MRPL14: variants seen among roughly 807,000 people sequenced by gnomAD.
MRPL14 encodes large ribosomal subunit protein uL14m.
A neutral mutation model predicts 10.9 loss-of-function variants in MRPL14; 8 were observed. The observed-to-expected ratio is 0.74, with a 90% CI of 0.43 to 1.33. The LOEUF is 1.33. MRPL14 is among the 40% of genes most tolerant of loss of function. The pLI, the probability that MRPL14 is intolerant of heterozygous loss-of-function variation, is 0.01. For missense variants in MRPL14, 179 were observed against 194.5 expected, an observed-to-expected ratio of 0.92 and a Z score of 0.47; for synonymous variants, 82 against 74.1, an observed-to-expected ratio of 1.11 and a Z score of -0.54.
intron 1 of MRPL14, among the ~76,000 whole-genome samples, chr6:44,117,521 C>A (rs1360431176): frequency 6.6e-6 from 1 of 152,108 alleles, no homozygotes; most frequent in East Asian, 1.9e-4. Context: ...AGAGGTCTGC[C>A]GAGAAAAGCC....
chr6:44,124,289 G>A (rs190055793), intron 1 of MRPL14, among the ~76,000 whole-genome samples: 17 of 152,236 alleles, frequency 1.1e-4, no homozygotes, highest in Non-Finnish European at 2.2e-4. Context: ...CAAGTCTGTG[G>A]CCCTGGAATC....
intron 1 of MRPL14, among the ~76,000 whole-genome samples, chr6:44,125,968 G>A (rs926644642): frequency 6.6e-6 from 1 of 152,148 alleles, no homozygotes; most frequent in Non-Finnish European, 1.5e-5. Context: ...TAAAATCCTT[G>A]TTTTTCAGTA....
At chr6:44,117,822 G>A (rs944046739) in intron 1 of MRPL14, among the ~76,000 whole-genome samples, 9 of 148,064 alleles carry the variant, frequency 6.1e-5, no homozygotes, top group Non-Finnish European at 1.0e-4. Flanking sequence ...GCACCAGGAC[G>A]CCTGGCTAAT....
chr6:44,126,467 C>A (rs561086201), intron 1 of MRPL14, among the ~76,000 whole-genome samples: 31 of 152,342 alleles, frequency 2.0e-4, no homozygotes, highest in Middle Eastern at 3.4e-3. Context: ...AAGATCCAAA[C>A]CCCCCAGGTG....
Position 44,114,220 on chromosome 6 carries a change from G to GAA in MRPL14, c.72-13_72-12dup. 1.4e-6 allele frequency: 2 copies of GAA among 1,472,410 alleles called. No homozygotes were observed. The highest frequency in any genetic ancestry group is 2.0e-5 in the Admixed American group (1 of 49,658). 91.2% of individuals were successfully genotyped at this position (1,472,410 alleles called of 1,614,324 possible). On this transcript the variant is annotated splice_polypyrimidine_tract_variant and intron_variant, in intron 2 of 2. Transcript: ENST00000372014. ...AGACTCCCAGTGGTGCTGGTGGGAG[G>GAA]AAAAAAAAAAGTCTGCAGTCTGTAT...
Position 44,114,175 on chromosome 6 carries a change from T to C in MRPL14, c.106A>G (p.Thr36Ala). ...TGSLSAIQKM[T>A]RVRVVDNSAL... The stretch of plus-strand genomic sequence containing the variant: ...CTGTTGTCCACCACTCGTACCCGCG[T>C]CATCTTCTGAATCGCACTCAGACTC... Residue 36 changes from threonine to alanine, a missense_variant, in exon 3 of 3, where the codon ACG (threonine) becomes GCG (alanine). Transcript: ENST00000372014. The C allele has an allele frequency of 6.2e-7, 1 of 1,612,866 alleles. No homozygotes were observed. The highest frequency in any genetic ancestry group is 8.5e-7 in the Non-Finnish European group (1 of 1,179,082).
intron 1 of MRPL14, among the ~76,000 whole-genome samples, chr6:44,121,857 T>C (rs971639228): frequency 1.3e-5 from 2 of 151,230 alleles, no homozygotes; most frequent in African/African-American, 4.9e-5. Flanking sequence ...GAGAATCTCT[T>C]AAACCTGGGA....
intron 1 of MRPL14, among the ~76,000 whole-genome samples, chr6:44,125,163 T>C (rs1239995021): frequency 6.6e-6 from 1 of 152,180 alleles, no homozygotes; most frequent in Non-Finnish European, 1.5e-5. Context: ...TTTTGGCCAC[T>C]GTTCTTCAAG....
chr6:44,127,313 A>C (rs1395726006), intron 1 of MRPL14, 31 bp downstream of exon 1: 3 of 151,728 alleles, frequency 2.0e-5, no homozygotes, highest in African/African-American at 4.8e-5. Context: ...GGGAATGAGG[A>C]CTTAACGCCC....
rs1012093419 is a variant in MRPL14 at position 44,114,006 on chromosome 6, G to C, written c.275C>G (p.Pro92Arg). 2 of 1,614,198 alleles carry C rather than the reference G, an allele frequency of 1.2e-6. No homozygotes were observed. Among genetic ancestry groups the C allele is most frequent in the Non-Finnish European group, 1.7e-6 (2 of 1,180,022 alleles). The change falls in exon 3 of 3, where the codon CCT becomes CGT. Residue 92 changes from proline to arginine, a missense_variant. By Grantham distance (103) the Pro-to-Arg change is moderately radical. Transcript: ENST00000372014. ...KKALIVGHCMPGPRMTPRFDS... is the reference protein window; with the variant it reads ...KKALIVGHCMRGPRMTPRFDS... Reference sequence around the variant, plus strand: ...GAATCTGGGGGTCATTCGGGGGCCAGGCATGCAGTGCCCCACAATGAGCGC... The same window carrying C: ...GAATCTGGGGGTCATTCGGGGGCCACGCATGCAGTGCCCCACAATGAGCGC...
At chr6:44,116,804 T>C (rs1257099489) in intron 1 of MRPL14, among the ~76,000 whole-genome samples, 175 bp from the exon 2 acceptor site, 1 of 152,208 alleles carries the variant, frequency 6.6e-6, no homozygotes, top group Non-Finnish European at 1.5e-5. Flanking sequence ...GTAGCTCCGA[T>C]TTTGCTGATT....
At chr6:44,115,491 T>C (rs919204782) in intron 2 of MRPL14, among the ~76,000 whole-genome samples, 63 of 152,078 alleles carry the variant, frequency 4.1e-4, no homozygotes, top group Admixed American at 8.5e-4. Context: ...CCTGTTAATA[T>C]CACCCCCTAA....
chr6:44,126,944 A>G (rs1013961174), intron 1 of MRPL14: 1 of 152,246 alleles, frequency 6.6e-6, no homozygotes, highest in African/African-American at 2.4e-5. Flanking sequence ...ACTCATCTCC[A>G]GACCTAAGTT....
At chr6:44,126,750 G>T (rs992139792) in intron 1 of MRPL14, among the ~76,000 whole-genome samples, 2 of 152,192 alleles carry the variant, frequency 1.3e-5, no homozygotes, top group Non-Finnish European at 2.9e-5. Flanking sequence ...ATCTATTTGT[G>T]TGGGTGATAT....
chr6:44,114,544 C>G (rs1057216329), intron 2 of MRPL14, among the ~76,000 whole-genome samples: 1 of 152,226 alleles, frequency 6.6e-6, no homozygotes, highest in Admixed American at 6.5e-5. Flanking sequence ...AAAGGAATCC[C>G]TTATGGGCTA....
intron 1 of MRPL14, among the ~76,000 whole-genome samples, chr6:44,118,934 A>G (rs1217434273): frequency 6.6e-6 from 1 of 152,228 alleles, no homozygotes; most frequent in African/African-American, 2.4e-5. Flanking sequence ...ATTGCACTCC[A>G]GCCTGGGCAA....
chr6:44,117,236 A>G (rs1775939004), intron 1 of MRPL14, among the ~76,000 whole-genome samples: 4 of 152,256 alleles, frequency 2.6e-5, no homozygotes, highest in African/African-American at 7.2e-5. Context: ...ACACTGTAAC[A>G]TGGAAAACTG....
At chr6:44,115,185 T>G (rs1311107055) in intron 2 of MRPL14, among the ~76,000 whole-genome samples, 2 of 92,032 alleles carry the variant, frequency 2.2e-5, no homozygotes, top group Non-Finnish European at 4.0e-5. Context: ...GGACCTCTTC[T>G]CTCGTTTTTT....
In MRPL14 at chr6:44,114,089, ATTC is replaced by A. The variant is rs771927572; in HGVS notation, c.189_191del (p.Lys63del). On this transcript the variant is annotated inframe_deletion, in exon 3 of 3. Coordinates refer to ENST00000372014, the MANE Select transcript of MRPL14 (RefSeq NM_032111.4). ...TCTGGTCGCCCACCTTGCCCACTCC[ATTC>A]TTCTTATAGACATGGATGCAGCGAG... The A allele has an allele frequency of 2.0e-5, 33 of 1,613,864 alleles. No homozygotes were observed. The highest frequency in any genetic ancestry group is 2.7e-5 in the Non-Finnish European group (32 of 1,180,010).
Sources: gnomAD v4.1 joint callset for allele counts (sites outside exome capture counted in the v4.1 genomes callset) on GRCh38, gnomAD v4.1.1 for gene constraint, MANE v1.5 for transcripts, NCBI Gene and HGNC (gene_info 2026-07-23, HGNC 2026-07-21) for gene names.